CFL1: variants seen among roughly 807,000 people sequenced by gnomAD.
CFL1 encodes cofilin 1.
Under a neutral mutation model 16.3 loss-of-function variants are expected in CFL1, and 2 were observed. The ratio of observed to expected loss-of-function variants is 0.12; its 90% CI spans 0.05 to 0.39. The LOEUF (loss-of-function observed/expected upper bound fraction) is 0.39. CFL1 is among the 10% of genes least tolerant of loss of function. The pLI, the probability that CFL1 is intolerant of heterozygous loss-of-function variation, is 0.99. For missense variants in CFL1, 75 were observed against 212.2 expected (o/e 0.35, Z 4.02); for synonymous variants, 111 against 84.4 (o/e 1.31, Z -1.73).
chr11:65,855,896 G>A (rs1190866860), intron 2 of CFL1, 39 bp downstream of exon 2: 7 of 1,587,252 alleles, frequency 4.4e-6, no homozygotes, highest in East Asian at 2.2e-5. Context: ...TCATGAGAAA[G>A]GGGGCAGGTG....
In CFL1 at chr11:65,856,258, C is replaced by T. The variant is rs1218555081; in HGVS notation, c.4-16G>A. 2.5e-6 allele frequency: 4 copies of T among 1,605,098 alleles called. No individual in the cohort carries two copies. The highest frequency in any genetic ancestry group is 3.4e-5 in the Admixed American group (2 of 59,408). On this transcript the variant is annotated splice_polypyrimidine_tract_variant and intron_variant, in intron 1 of 3. Coordinates refer to ENST00000308162, the MANE Select transcript of CFL1 (RefSeq NM_005507.3). ...CACCGGAGGCCTAGGAGACATGCCA[C>T]GTATACGTCAAGAAAAGGATTCTAG...
At position 65,855,154 on chromosome 11, in the gene CFL1, G is replaced by A. The variant is rs1859360877; in HGVS notation, c.*182C>T. The A allele has an allele frequency of 8.6e-6, 5 of 584,588 alleles. No individual in the cohort carries two copies. The highest frequency in any genetic ancestry group is 1.5e-5 in the Non-Finnish European group (5 of 325,420). 36.2% of individuals were successfully genotyped at this position (584,588 alleles called of 1,614,324 possible). A position where few individuals can be genotyped will look rare whatever the true frequency, so the allele number is the denominator to read the frequency against. ...GTTTGGGAAGGCCAGAACCGTCAAG[G>A]GATGGAGGGAGAAGGAAAATCCAGG... On this transcript the variant is annotated 3_prime_UTR_variant, in exon 4 of 4. Coordinates refer to ENST00000308162, the MANE Select transcript of CFL1 (RefSeq NM_005507.3).
chr11:65,856,341 G>A (rs1009505090), intron 1 of CFL1, 99 bp from the exon 2 acceptor site: 12 of 1,215,036 alleles, frequency 9.9e-6, no homozygotes, highest in African/African-American at 1.5e-5. Context: ...GGTCACTAGT[G>A]CCCTTCCCAA....
At chr11:65,857,015 CAGA>C (rs1038704360) in intron 1 of CFL1, 7 of 155,060 alleles carry the variant, frequency 4.5e-5, no homozygotes, top group African/African-American at 1.7e-4. Flanking sequence ...CCCGGAACTG[CAGA>C]AGAAGCCGGC....
Position 65,855,000 on chromosome 11 carries a change from C to A in CFL1, c.*336G>T. 3.2e-6 allele frequency: 1 copy of A among 314,498 alleles called. No individual in the cohort carries two copies. The highest frequency in any genetic ancestry group is 6.2e-6 in the Non-Finnish European group (1 of 160,582). 19.5% of individuals were successfully genotyped at this position (314,498 alleles called of 1,614,324 possible). A position where few individuals can be genotyped will look rare whatever the true frequency, so the allele number is the denominator to read the frequency against. On this transcript the variant is annotated 3_prime_UTR_variant, in exon 4 of 4. Transcript: ENST00000308162. The stretch of plus-strand genomic sequence containing the variant: ...CACTATTGCGGTTAGAAGTTGGCAG[C>A]ATGGGAAGGGGGAGGACCAGGTGGG...
At chr11:65,855,626 G>C in intron 3 of CFL1, 28 bp downstream of exon 3, 2 of 1,562,032 alleles carry the variant, frequency 1.3e-6, no homozygotes, top group Non-Finnish European at 1.7e-6. Flanking sequence ...AGAGCAGAAG[G>C]GCACTCAGCA....
chr11:65,857,361 C>A, intron 1 of CFL1: 1 of 383,536 alleles, frequency 2.6e-6, no homozygotes, highest in South Asian at 1.7e-5. Flanking sequence ...GCTTCGGCAC[C>A]GGCGGCCGGG....
At chr11:65,857,117 G>C (rs764564115) in intron 1 of CFL1, 1 of 157,504 alleles carries the variant, frequency 6.3e-6, no homozygotes, top group East Asian at 1.9e-4. Context: ...GTATCCGAGA[G>C]GCAGCAGCAT....
At chr11:65,857,918 C>T in intron 1 of CFL1, 179 bp downstream of exon 1, 1 of 492,740 alleles carries the variant, frequency 2.0e-6, no homozygotes, top group South Asian at 4.6e-5. Context: ...CCAGACCGGC[C>T]CTCCCCGGCG....
chr11:65,855,832 C>T, intron 2 of CFL1, 102 bp from the exon 3 acceptor site: 5 of 1,502,566 alleles, frequency 3.3e-6, no homozygotes, highest in East Asian at 2.3e-5. Context: ...GTTACAACCC[C>T]CTCCCCCTCC....
At position 65,858,175 on chromosome 11, in the gene CFL1, C is replaced by G; in HGVS notation, c.-76G>C. 6.8e-7 allele frequency: 1 copy of G among 1,477,812 alleles called. No individual in the cohort carries two copies. The highest frequency in any genetic ancestry group is 2.9e-5 in the East Asian group (1 of 34,926). The allele number at this position is 1,477,812 out of a possible 1,614,324, so 91.5% of individuals were successfully genotyped here. On this transcript the variant is annotated 5_prime_UTR_variant, in exon 1 of 4. Transcript: ENST00000308162. ...CGCTGCAGCCGCTGCCGGGACCCGA[C>G]TGAACGCGGCCTCTCCCGGCCCCTT...
chr11:65,858,179 A>C lies in CFL1; in HGVS notation c.-80T>G. ...GCAGCCGCTGCCGGGACCCGACTGAACGCGGCCTCTCCCGGCCCCTTCCGT... is the reference window on the plus strand; with the variant it reads ...GCAGCCGCTGCCGGGACCCGACTGACCGCGGCCTCTCCCGGCCCCTTCCGT... On this transcript the variant is annotated 5_prime_UTR_variant, in exon 1 of 4. Coordinates refer to ENST00000308162, the MANE Select transcript of CFL1 (RefSeq NM_005507.3). 1.4e-6 allele frequency: 2 copies of C among 1,455,102 alleles called. No homozygotes were observed. The highest frequency in any genetic ancestry group is 1.8e-6 in the Non-Finnish European group (2 of 1,084,306). 90.1% of individuals were successfully genotyped at this position (1,455,102 alleles called of 1,614,324 possible).
Position 65,858,165 on chromosome 11 carries a change from C to G in CFL1, c.-66G>C, listed in dbSNP as rs1341791745. On this transcript the variant is annotated 5_prime_UTR_variant, in exon 1 of 4. Coordinates refer to ENST00000308162, the MANE Select transcript of CFL1 (RefSeq NM_005507.3). ...AAGACGAGAGCGCTGCAGCCGCTGCCGGGACCCGACTGAACGCGGCCTCTC... is the reference window on the plus strand; with the variant it reads ...AAGACGAGAGCGCTGCAGCCGCTGCGGGGACCCGACTGAACGCGGCCTCTC... 2.7e-6 allele frequency: 4 copies of G among 1,495,684 alleles called. No homozygotes were observed. The highest frequency in any genetic ancestry group is 2.9e-5 in the African/African-American group (2 of 68,756). 92.7% of individuals were successfully genotyped at this position (1,495,684 alleles called of 1,614,324 possible). A position where few individuals can be genotyped will look rare whatever the true frequency, so the allele number is the denominator to read the frequency against.
At position 65,854,725 on chromosome 11, in the gene CFL1, G is replaced by C. The variant is rs1344789979; in HGVS notation, c.*611C>G. 1 of 152,934 alleles carries C rather than the reference G, an allele frequency of 6.5e-6. No homozygotes were observed. The highest frequency in any genetic ancestry group is 1.5e-5 in the Non-Finnish European group (1 of 68,582). The allele number at this position is 152,934 out of a possible 1,614,324, so 9.5% of individuals were successfully genotyped here. The stretch of plus-strand genomic sequence containing the variant: ...CTGGTTGGGTGTGGAGTACAGAGGA[G>C]AGAGATAGCACCATTATCCCAGTGC... On this transcript the variant is annotated 3_prime_UTR_variant, in exon 4 of 4. Coordinates refer to ENST00000308162, the MANE Select transcript of CFL1 (RefSeq NM_005507.3).
Position 65,856,240 on chromosome 11 carries a change from G to C in CFL1, c.6C>G (p.Ala2=). M[A]SGVAVSDGVI... is the part of the protein sequence containing the mutation. ...CACCATCAGAGACAGCCACACCGGA[G>C]GCCTAGGAGACATGCCACGTATACG... The change falls in exon 2 of 4, where the codon GCC becomes GCG. Residue 2 remains alanine, a splice_region_variant and synonymous_variant. Transcript: ENST00000308162. 1 of 1,611,190 alleles carries C rather than the reference G, an allele frequency of 6.2e-7. No individual in the cohort carries two copies.
intron 2 of CFL1, 51 bp downstream of exon 2, chr11:65,855,884 C>T: frequency 6.3e-7 from 1 of 1,577,102 alleles, no homozygotes; most frequent in Non-Finnish European, 8.7e-7. Flanking sequence ...CAGAAGTTCC[C>T]ATCATGAGAA....
intron 1 of CFL1, 187 bp downstream of exon 1, chr11:65,857,910 A>T (rs1021557896): frequency 6.8e-6 from 3 of 442,412 alleles, no homozygotes; most frequent in African/African-American, 6.3e-5. Context: ...AGCGACGTCC[A>T]GACCGGCCCT....
In CFL1 at chr11:65,858,049, C is replaced by T. The variant is rs545130360; in HGVS notation, c.3+48G>A. ...TCCCCAGTCGCTTCCCGCGCGCAGG[C>T]GACCGACCCGCAGCCGCCTCCCTCA... On this transcript the variant is annotated intron_variant, in intron 1 of 3. Coordinates refer to ENST00000308162, the MANE Select transcript of CFL1 (RefSeq NM_005507.3). 435 of 1,520,974 alleles carry T rather than the reference C, an allele frequency of 2.9e-4. 5 individuals carry two copies. The South Asian group carries it at 5.0e-3, about 18-fold the overall frequency. 94.2% of individuals were successfully genotyped at this position (1,520,974 alleles called of 1,614,324 possible).
chr11:65,855,459 G>C lies in CFL1; in HGVS notation c.389-11C>G. 2 of 1,612,594 alleles carry C rather than the reference G, an allele frequency of 1.2e-6. No homozygotes were observed. Among genetic ancestry groups the C allele is most frequent in the South Asian group, 1.1e-5 (1 of 91,048 alleles). Reference sequence around the variant, plus strand: ...ATTCATGCTTGATCCCTATAAAGAAGAAAGGGGAGCATCTGTGAGCAGGAA... The same window carrying C: ...ATTCATGCTTGATCCCTATAAAGAACAAAGGGGAGCATCTGTGAGCAGGAA... On this transcript the variant is annotated splice_polypyrimidine_tract_variant and intron_variant, in intron 3 of 3. Coordinates refer to ENST00000308162, the MANE Select transcript of CFL1 (RefSeq NM_005507.3).
Sources: allele counts gnomAD v4.1 joint callset, GRCh38; gene constraint gnomAD v4.1.1; transcripts MANE v1.5; gene names NCBI Gene and HGNC (gene_info 2026-07-23, HGNC 2026-07-21).